Variants in ARID4B observed in about 807,000 individuals in gnomAD.
The protein encoded by ARID4B is AT-rich interaction domain 4B, also known as AT-rich interactive domain-containing protein 4B.
ARID4B carries 26 observed loss-of-function variants against 147.5 expected under a neutral mutation model. The ratio of observed to expected loss-of-function variants is 0.18; its 90% CI spans 0.13 to 0.24. The LOEUF is 0.24. Ranked by LOEUF, ARID4B falls within the 10% of genes least tolerant of loss-of-function variation. ARID4B has a pLI of 1.00. For synonymous variants in ARID4B, 512 were observed against 507.9 expected (o/e 1.01, Z -0.11); for missense variants, 1,179 against 1,511.5 (o/e 0.78, Z 3.65).
chr1:235,291,162 G>C (rs900789548), intron 2 of ARID4B, among the ~76,000 whole-genome samples: 1 of 151,868 alleles, frequency 6.6e-6, no homozygotes, highest in Non-Finnish European at 1.5e-5. Flanking sequence ...TTTGGGATGC[G>C]GAGGTGGGCA....
chr1:235,230,679 C>T (rs923591822), intron 10 of ARID4B, among the ~76,000 whole-genome samples: 1 of 149,452 alleles, frequency 6.7e-6, no homozygotes, highest in Non-Finnish European at 1.5e-5. Flanking sequence ...CCTAGCACTT[C>T]GGGAGGCTGA....
chr1:235,184,882 T>C (rs992959127), intron 19 of ARID4B, among the ~76,000 whole-genome samples: 5 of 152,168 alleles, frequency 3.3e-5, no homozygotes, highest in African/African-American at 1.2e-4. Context: ...AGTGGTGTGA[T>C]CTCAGTTCAC....
chr1:235,310,922 C>A (rs542937418), intron 2 of ARID4B, among the ~76,000 whole-genome samples: 61 of 152,266 alleles, frequency 4.0e-4, no homozygotes, highest in African/African-American at 1.4e-3. Context: ...CCACCCATAT[C>A]AGCCTACCAA....
chr1:235,323,678 G>A (rs1675011649), intron 2 of ARID4B, among the ~76,000 whole-genome samples: 1 of 151,692 alleles, frequency 6.6e-6, no homozygotes. Flanking sequence ...CAGTTACTCA[G>A]GAGGCTGAGG....
At chr1:235,223,974 C>T (rs1290046838) in intron 12 of ARID4B, among the ~76,000 whole-genome samples, 9 of 152,118 alleles carry the variant, frequency 5.9e-5, no homozygotes, top group Admixed American at 2.0e-4. Context: ...GAATCAAAGA[C>T]ATTTTATATT....
chr1:235,279,075 G>A (rs1247144499), intron 2 of ARID4B, among the ~76,000 whole-genome samples: 5 of 152,046 alleles, frequency 3.3e-5, no homozygotes, highest in Non-Finnish European at 7.4e-5. Context: ...ACAGCGCCAA[G>A]CCAACACCTG....
chr1:235,191,196 A>G (rs1362872154), intron 19 of ARID4B, among the ~76,000 whole-genome samples: 2 of 152,148 alleles, frequency 1.3e-5, no homozygotes, highest in African/African-American at 4.8e-5. Context: ...GTCTGCTACT[A>G]CGACTGAGCA....
At chr1:235,300,987 T>C (rs1673087207) in intron 2 of ARID4B, among the ~76,000 whole-genome samples, 1 of 151,786 alleles carries the variant, frequency 6.6e-6, no homozygotes, top group African/African-American at 2.4e-5. Flanking sequence ...AGTGCTGGGA[T>C]TATAGGCGTG....
intron 2 of ARID4B, among the ~76,000 whole-genome samples, chr1:235,269,211 C>T (rs987405888): frequency 2.6e-5 from 4 of 152,094 alleles, no homozygotes; most frequent in Non-Finnish European, 5.9e-5. Context: ...AAAGATAAAG[C>T]TTTTCCTTAT....
chr1:235,290,461 A>C (rs1672264679), intron 2 of ARID4B, among the ~76,000 whole-genome samples: 1 of 151,520 alleles, frequency 6.6e-6, no homozygotes, highest in Admixed American at 6.6e-5. Flanking sequence ...CATGTGCTTT[A>C]ATCAGTAACC....
intron 2 of ARID4B, among the ~76,000 whole-genome samples, chr1:235,303,412 C>T (rs1313025160): frequency 6.6e-6 from 1 of 151,734 alleles, no homozygotes; most frequent in Non-Finnish European, 1.5e-5. Context: ...AAAACAAAGC[C>T]TACACAACTT....
At chr1:235,236,862 A>ATATTTT (rs1426582533) in intron 8 of ARID4B, among the ~76,000 whole-genome samples, 4 of 17,488 alleles carry the variant, frequency 2.3e-4, no homozygotes, top group African/African-American at 4.4e-4. Context: ...ATATATATAT[A>ATATTTT]TTTTTTTTTT....
chr1:235,326,004 C>CTG, intron 2 of ARID4B, among the ~76,000 whole-genome samples: 1 of 152,268 alleles, frequency 6.6e-6, no homozygotes, highest in Non-Finnish European at 1.5e-5. Context: ...AACATGCTAT[C>CTG]TGTTGCATTT....
At chr1:235,253,220 AT>A (rs1440469947) in intron 5 of ARID4B, among the ~76,000 whole-genome samples, 2 of 152,238 alleles carry the variant, frequency 1.3e-5, no homozygotes, top group African/African-American at 2.4e-5. Flanking sequence ...CTTTAAAAAA[AT>A]AACTGTATTT....
At chr1:235,236,858 ATATATTTTTT>A (rs1453258423) in intron 8 of ARID4B, among the ~76,000 whole-genome samples, 4 of 26,376 alleles carry the variant, frequency 1.5e-4, no homozygotes, top group Admixed American at 8.2e-4. Flanking sequence ...ATATATATAT[ATATATTTTTT>A]TTTTTTTTTT....
In ARID4B at chr1:235,245,810, G is replaced by A. The variant is rs140258523; in HGVS notation, c.446+610C>T. 4.1e-3 allele frequency among the ~76,000 whole-genome samples: 622 copies of A among 152,222 alleles called. 4 individuals carry two copies. Among genetic ancestry groups the A allele is most frequent in the African/African-American group, 0.014 (595 of 41,514 alleles). On this transcript the variant is annotated intron_variant, in intron 7 of 23. Transcript: ENST00000264183. ...CTTAATTTTCACAACAACACTAAGA[G>A]ATAGGTAATATTATTATCCAAATTT...
chr1:235,274,973 A>G (rs1671223490), intron 2 of ARID4B, among the ~76,000 whole-genome samples: 1 of 151,514 alleles, frequency 6.6e-6, no homozygotes, highest in African/African-American at 2.4e-5. Flanking sequence ...GAGTAGGAAA[A>G]TCCAACACTA....
chr1:235,208,606 G>A (rs987196738), intron 17 of ARID4B, among the ~76,000 whole-genome samples: 3 of 151,998 alleles, frequency 2.0e-5, no homozygotes, highest in East Asian at 1.9e-4. Flanking sequence ...AGGTTCGAGC[G>A]ATTCTCCTGC....
At chr1:235,173,760 AAAAAAAAAAAAAT>A (rs1209982824) in intron 22 of ARID4B, among the ~76,000 whole-genome samples, 6 of 52,790 alleles carry the variant, frequency 1.1e-4, no homozygotes, top group African/African-American at 4.1e-4. Flanking sequence ...AAAAAAAAAA[AAAAAAAAAAAAAT>A]ATATATATAT....
Sources: gnomAD v4.1 joint callset for allele counts (sites outside exome capture counted in the v4.1 genomes callset) on GRCh38, gnomAD v4.1.1 for gene constraint, MANE v1.5 for transcripts, NCBI Gene and HGNC (gene_info 2026-07-23, HGNC 2026-07-21) for gene names.